LRMDA: variants seen among roughly 807,000 people sequenced by gnomAD.
LRMDA encodes leucine rich melanocyte differentiation associated, also known as leucine-rich melanocyte differentiation-associated protein.
LRMDA carries 18 observed loss-of-function variants against 29.8 expected under a neutral mutation model. The observed-to-expected ratio is 0.60, with a 90% CI of 0.42 to 0.90. The LOEUF is 0.90. Among genes scored for constraint, LRMDA ranks in the 40% least tolerant of loss-of-function variants. The pLI is 0.00. For missense variants in LRMDA, 273 were observed against 273.9 expected (o/e 1.00, Z 0.02); for synonymous variants, 125 against 109.4 (o/e 1.14, Z -0.89).
chr10:75,991,381 G>T lies in LRMDA; in HGVS notation c.132-44627G>T, dbSNP rs896061633. Among the ~76,000 whole-genome samples the T allele has an allele frequency of 2.0e-5, 3 of 152,274 alleles. No homozygotes were observed. The South Asian group carries it at 6.2e-4, about 32-fold the overall frequency. On this transcript the variant is annotated intron_variant, in intron 2 of 6. Coordinates refer to ENST00000611255, the MANE Select transcript of LRMDA (RefSeq NM_001305581.2). ...CCGTGGAATCTGTTATTGGGTTAAT[G>T]TTCCCTGATCTTTTTCTAGTCCAAC...
chr10:75,922,867 C>T (rs529136975), intron 2 of LRMDA, among the ~76,000 whole-genome samples: 4 of 152,224 alleles, frequency 2.6e-5, no homozygotes, highest in Non-Finnish European at 5.9e-5. Context: ...CATCTATTTC[C>T]TATACTTTGT....
At chr10:75,482,417 AT>A (rs1388782026) in intron 2 of LRMDA, among the ~76,000 whole-genome samples, 1 of 152,164 alleles carries the variant, frequency 6.6e-6, no homozygotes, top group Non-Finnish European at 1.5e-5. Context: ...AAACCACTGA[AT>A]TTTGGTGTAG....
chr10:75,746,934 T>C (rs868354352), intron 2 of LRMDA, among the ~76,000 whole-genome samples: 1 of 151,974 alleles, frequency 6.6e-6, no homozygotes. Context: ...GTAGATCTTA[T>C]TGGGGTAATT....
chr10:75,466,158 G>A (rs1469976195), intron 2 of LRMDA, among the ~76,000 whole-genome samples: 2 of 152,338 alleles, frequency 1.3e-5, no homozygotes, highest in East Asian at 1.9e-4. Flanking sequence ...CTTCCCAGGC[G>A]AGAACCATAA....
chr10:75,813,538 A>AT (rs1348342263), intron 2 of LRMDA, among the ~76,000 whole-genome samples: 2 of 152,108 alleles, frequency 1.3e-5, no homozygotes, highest in East Asian at 3.9e-4. Flanking sequence ...GTCTCCTTTC[A>AT]TTTTTTCCGA....
chr10:76,515,133 G>A (rs1169341473), intron 6 of LRMDA, among the ~76,000 whole-genome samples: 2 of 152,076 alleles, frequency 1.3e-5, no homozygotes, highest in African/African-American at 2.4e-5. Flanking sequence ...GAAATACCAT[G>A]GTATGCTGTG....
intron 6 of LRMDA, among the ~76,000 whole-genome samples, chr10:76,547,010 G>T (rs563955787): frequency 6.6e-6 from 1 of 152,270 alleles, no homozygotes; most frequent in South Asian, 2.1e-4. Context: ...CTGAGACCAG[G>T]TACCCTGAGA....
chr10:75,807,646 A>G (rs1448601733), intron 2 of LRMDA, among the ~76,000 whole-genome samples: 1 of 152,210 alleles, frequency 6.6e-6, no homozygotes, highest in Non-Finnish European at 1.5e-5. Context: ...ACAGTGGCCG[A>G]AAATGGCAGG....
At chr10:76,079,955 C>T (rs962880770) in intron 5 of LRMDA, among the ~76,000 whole-genome samples, 8 of 152,120 alleles carry the variant, frequency 5.3e-5, no homozygotes, top group South Asian at 2.1e-4. Context: ...TCATTTGCTG[C>T]CAGCTCTAAG....
intron 5 of LRMDA, among the ~76,000 whole-genome samples, chr10:76,261,152 C>T (rs1451459501): frequency 4.0e-5 from 6 of 150,844 alleles, no homozygotes; most frequent in Non-Finnish European, 7.4e-5. Flanking sequence ...GCAAACTCCA[C>T]CTCCTGGGTT....
At chr10:75,505,811 A>G (rs935762761) in intron 2 of LRMDA, among the ~76,000 whole-genome samples, 6 of 152,132 alleles carry the variant, frequency 3.9e-5, no homozygotes, top group African/African-American at 1.4e-4. Context: ...ACATGGTGTA[A>G]TGACAGCAGT....
chr10:75,580,269 C>T (rs1840570291), intron 2 of LRMDA, among the ~76,000 whole-genome samples: 1 of 152,168 alleles, frequency 6.6e-6, no homozygotes, highest in African/African-American at 2.4e-5. Context: ...CATTCCTATA[C>T]AGCAGTAACA....
intron 6 of LRMDA, among the ~76,000 whole-genome samples, chr10:76,553,833 A>G (rs891462347): frequency 1.3e-5 from 2 of 152,072 alleles, no homozygotes; most frequent in African/African-American, 4.8e-5. Context: ...TGCTAGCCAG[A>G]GCACCTTTCT....
At chr10:75,667,057 T>C (rs1165279808) in intron 2 of LRMDA, among the ~76,000 whole-genome samples, 1 of 152,180 alleles carries the variant, frequency 6.6e-6, no homozygotes, top group Non-Finnish European at 1.5e-5. Flanking sequence ...CCAAGAGTCA[T>C]AGAATCTAAA....
At chr10:76,241,536 C>T (rs2132285600) in intron 5 of LRMDA, among the ~76,000 whole-genome samples, 1 of 152,182 alleles carries the variant, frequency 6.6e-6, no homozygotes, top group Middle Eastern at 3.4e-3. Context: ...TTTCTCACAG[C>T]AGATAACTTG....
intron 5 of LRMDA, among the ~76,000 whole-genome samples, chr10:76,078,842 AAAAC>A (rs1013819187): frequency 1.3e-5 from 2 of 152,134 alleles, no homozygotes. Flanking sequence ...CTCAAAAACA[AAAAC>A]AAACAAACAA....
At chr10:76,534,906 A>G (rs1268654268) in intron 6 of LRMDA, among the ~76,000 whole-genome samples, 1 of 151,896 alleles carries the variant, frequency 6.6e-6, no homozygotes, top group Non-Finnish European at 1.5e-5. Context: ...CTATCCACCC[A>G]CCCCATTATA....
chr10:75,933,448 T>C (rs1846236726), intron 2 of LRMDA, among the ~76,000 whole-genome samples: 1 of 152,206 alleles, frequency 6.6e-6, no homozygotes, highest in Non-Finnish European at 1.5e-5. Context: ...TTGTAGTCTT[T>C]GCATGAAAAA....
intron 5 of LRMDA, among the ~76,000 whole-genome samples, chr10:76,239,855 T>C (rs1055536634): frequency 4.6e-5 from 7 of 152,068 alleles, no homozygotes; most frequent in African/African-American, 1.4e-4. Context: ...ATGGTAACTC[T>C]GTGAGGTGAT....
Sources: gnomAD v4.1 joint callset for allele counts (sites outside exome capture counted in the v4.1 genomes callset) on GRCh38, gnomAD v4.1.1 for gene constraint, MANE v1.5 for transcripts, NCBI Gene and HGNC (gene_info 2026-07-23, HGNC 2026-07-21) for gene names.